The following ARHGAP31 variants were observed in gnomAD, a reference collection of about 807,000 sequenced individuals.
The protein encoded by ARHGAP31 is Rho GTPase activating protein 31.
In ARHGAP31, 34 loss-of-function variants were observed where a neutral mutation model predicts 113.9. The ratio of observed to expected loss-of-function variants is 0.30; its 90% CI spans 0.23 to 0.40. ARHGAP31 has a LOEUF of 0.40. ARHGAP31 is among the 10% of genes least tolerant of loss of function. The pLI is 1.00. For missense variants in ARHGAP31, 1,548 were observed against 1,767.1 expected (o/e 0.88, Z 2.22); for synonymous variants, 650 against 684.8 (o/e 0.95, Z 0.79).
chr3:119,311,124 G>A (rs575942737), intron 1 of ARHGAP31, among the ~76,000 whole-genome samples: 3 of 152,142 alleles, frequency 2.0e-5, no homozygotes, highest in African/African-American at 4.8e-5. Context: ...AATCGTCTCC[G>A]TTCCCAGTGT....
At chr3:119,343,780 C>G (rs1193632327) in intron 1 of ARHGAP31, among the ~76,000 whole-genome samples, 4 of 152,234 alleles carry the variant, frequency 2.6e-5, no homozygotes, top group Non-Finnish European at 5.9e-5. Flanking sequence ...ACAGCTCCCC[C>G]TTATCTCTGT....
intron 1 of ARHGAP31, chr3:119,324,797 T>C (rs969765991): frequency 5.0e-6 from 2 of 399,344 alleles, no homozygotes; most frequent in South Asian, 1.9e-5. Flanking sequence ...TTCTAACTGG[T>C]ATTTAGTATT....
intron 9 of ARHGAP31, among the ~76,000 whole-genome samples, chr3:119,399,532 A>G (rs1056530035): frequency 6.6e-6 from 1 of 152,212 alleles, no homozygotes; most frequent in Non-Finnish European, 1.5e-5. Context: ...TTTTCATTCA[A>G]ACCTGAACCA....
intron 1 of ARHGAP31, among the ~76,000 whole-genome samples, chr3:119,295,289 G>A (rs889768558): frequency 1.3e-5 from 2 of 151,966 alleles, no homozygotes; most frequent in Non-Finnish European, 2.9e-5. Flanking sequence ...CACCTCAGGG[G>A]ATGGGGGTGG....
chr3:119,408,714 TACTC>T (rs1284562698), intron 10 of ARHGAP31, among the ~76,000 whole-genome samples: 7 of 152,192 alleles, frequency 4.6e-5, no homozygotes, highest in African/African-American at 7.2e-5. Context: ...CAGTCCTGGG[TACTC>T]ACTCAGTCTT....
At chr3:119,336,183 C>A (rs1056889049) in intron 1 of ARHGAP31, among the ~76,000 whole-genome samples, 44 of 152,084 alleles carry the variant, frequency 2.9e-4, no homozygotes, top group African/African-American at 8.5e-4. Flanking sequence ...CTCAAAAAAA[C>A]AAAACAGAAA....
chr3:119,361,648 C>CCT (rs1559979592), intron 1 of ARHGAP31, among the ~76,000 whole-genome samples: 1 of 151,980 alleles, frequency 6.6e-6, no homozygotes, highest in African/African-American at 2.4e-5. Context: ...TCCCAAAGTG[C>CCT]TGGGATTACA....
At chr3:119,336,780 C>T (rs1427089573) in intron 1 of ARHGAP31, among the ~76,000 whole-genome samples, 1 of 152,128 alleles carries the variant, frequency 6.6e-6, no homozygotes, top group East Asian at 1.9e-4. Context: ...TCAAAAGAAA[C>T]CTTATACCCA....
chr3:119,415,184 C>T lies in ARHGAP31; in HGVS notation c.3255C>T (p.Pro1085=), dbSNP rs372301689. ...ACAGCACTTCGCCTGGAGAGCACCC[C>T]GCAAAGTTACAGCTAAAGAGCACAG... is the stretch of plus-strand genomic sequence containing the variant. ...VQDSTSPGEH[P]AKLQLKSTEC... Residue 1085 remains proline, a synonymous_variant, in exon 12 of 12, where the codon CCC becomes CCT. Coordinates refer to ENST00000264245, the MANE Select transcript of ARHGAP31 (RefSeq NM_020754.4). 95 of 1,614,158 alleles carry T rather than the reference C, an allele frequency of 5.9e-5. 2 individuals are homozygous for T. The East Asian group carries it at 1.2e-3, about 20-fold the overall frequency.
intron 1 of ARHGAP31, chr3:119,298,970 A>C: frequency 4.7e-6 from 1 of 212,102 alleles, no homozygotes; most frequent in East Asian, 1.1e-4. Flanking sequence ...CCTGATTTAC[A>C]TGTGCAGGTG....
At position 119,329,835 on chromosome 3, in the gene ARHGAP31, G is replaced by A. The variant is rs139737334; in HGVS notation, c.100+34831G>A. The A allele has an allele frequency of 2.7e-4, 267 of 985,464 alleles. No homozygotes were observed. The African/African-American group carries it at 4.0e-3, about 15-fold the overall frequency. 61.0% of individuals were successfully genotyped at this position (985,464 alleles called of 1,614,324 possible). ...TGAGCGTATTGAGAGGAGTCTGTCC[G>A]CACTGTCCCCACCAAAGTGTTATCC... On this transcript the variant is annotated intron_variant, in intron 1 of 11. Coordinates refer to ENST00000264245, the MANE Select transcript of ARHGAP31 (RefSeq NM_020754.4).
rs2080795985 is a variant in ARHGAP31, at chr3:119,418,420, A to T, written c.*2156A>T. ...AAATGTGTCAGACAGGTTTTATGTC[A>T]GCCTCAGTGCTCCTGCGGTGTCGAC... On this transcript the variant is annotated 3_prime_UTR_variant, in exon 12 of 12. Coordinates refer to ENST00000264245, the MANE Select transcript of ARHGAP31 (RefSeq NM_020754.4). The T allele has an allele frequency of 6.6e-6, 1 of 152,252 alleles. No individual in the cohort carries two copies. Among genetic ancestry groups the T allele is most frequent in the African/African-American group, 2.4e-5 (1 of 41,462 alleles). 9.4% of individuals were successfully genotyped at this position (152,252 alleles called of 1,614,324 possible). A position where few individuals can be genotyped will look rare whatever the true frequency, so the allele number is the denominator to read the frequency against.
At chr3:119,313,005 T>A (rs1286997806) in intron 1 of ARHGAP31, among the ~76,000 whole-genome samples, 3 of 152,228 alleles carry the variant, frequency 2.0e-5, no homozygotes, top group Admixed American at 6.5e-5. Flanking sequence ...TTCTGAAATA[T>A]GCTATTTTCA....
intron 5 of ARHGAP31, 113 bp downstream of exon 5, chr3:119,382,512 T>G: frequency 9.9e-7 from 1 of 1,012,674 alleles, no homozygotes; most frequent in Non-Finnish European, 1.5e-6. Flanking sequence ...ATCTGTGGCT[T>G]AAGTGGTCAT....
chr3:119,308,048 C>T lies in ARHGAP31; in HGVS notation c.100+13044C>T, dbSNP rs1158440880. Reference sequence around the variant, plus strand: ...TTCAGGACTGGAGTCACGCACGCAGCGTTGTCTTTATTCTGGAGCTGCATT... The same window carrying T: ...TTCAGGACTGGAGTCACGCACGCAGTGTTGTCTTTATTCTGGAGCTGCATT... On this transcript the variant is annotated intron_variant, in intron 1 of 11. Coordinates refer to ENST00000264245, the MANE Select transcript of ARHGAP31 (RefSeq NM_020754.4). Among the ~76,000 whole-genome samples, 5 of 151,266 alleles carry T rather than the reference C, an allele frequency of 3.3e-5. No individual in the cohort carries two copies. In the South Asian group the frequency reaches 6.3e-4, roughly 19 times the overall value.
intron 1 of ARHGAP31, among the ~76,000 whole-genome samples, chr3:119,312,160 C>T (rs759484927): frequency 1.2e-4 from 19 of 152,196 alleles, no homozygotes; most frequent in African/African-American, 4.1e-4. Context: ...ACAAGAGCCA[C>T]GTTTAAAACC....
chr3:119,328,800 A>G (rs1486887776), intron 1 of ARHGAP31, among the ~76,000 whole-genome samples: 1 of 151,990 alleles, frequency 6.6e-6, no homozygotes, highest in African/African-American at 2.4e-5. Flanking sequence ...GCCACCATGC[A>G]CAGCTAACTT....
intron 1 of ARHGAP31, among the ~76,000 whole-genome samples, chr3:119,330,218 C>A (rs1337151180): frequency 6.6e-6 from 1 of 152,208 alleles, no homozygotes; most frequent in Non-Finnish European, 1.5e-5. Flanking sequence ...CTCTTCATAT[C>A]TTTAGTGAAT....
chr3:119,305,090 G>A (rs1457548747), intron 1 of ARHGAP31, among the ~76,000 whole-genome samples: 6 of 152,124 alleles, frequency 3.9e-5, no homozygotes, highest in East Asian at 1.9e-4. Flanking sequence ...GAGAGGTTAA[G>A]TAACTTGCCT....
Sources: allele counts gnomAD v4.1 joint callset (sites outside exome capture counted in the v4.1 genomes callset), GRCh38; gene constraint gnomAD v4.1.1; transcripts MANE v1.5; gene names NCBI Gene and HGNC (gene_info 2026-07-23, HGNC 2026-07-21).